The following SERGEF variants were observed in gnomAD, a reference collection of about 807,000 sequenced individuals.
SERGEF encodes the protein secretion regulating guanine nucleotide exchange factor, also known as secretion-regulating guanine nucleotide exchange factor.
In SERGEF, 51 loss-of-function variants were observed where a neutral mutation model predicts 50.0. The ratio of observed to expected loss-of-function variants is 1.02; its 90% CI spans 0.81 to 1.29. The LOEUF (loss-of-function observed/expected upper bound fraction) is 1.29. SERGEF is among the 50% of genes most tolerant of loss of function. SERGEF has a pLI of 0.00. For synonymous variants in SERGEF, 205 were observed against 212.4 expected (o/e 0.97, Z 0.30); for missense variants, 521 against 557.0 (o/e 0.94, Z 0.65).
chr11:17,886,959 T>A (rs1214493409), intron 9 of SERGEF, among the ~76,000 whole-genome samples: 1 of 152,144 alleles, frequency 6.6e-6, no homozygotes, highest in African/African-American at 2.4e-5. Context: ...TGAAACGGCT[T>A]AGTGAAAATT....
intron 10 of SERGEF, among the ~76,000 whole-genome samples, chr11:17,822,762 G>A (rs544860059): frequency 1.2e-4 from 18 of 152,264 alleles, no homozygotes; most frequent in African/African-American, 4.3e-4. Flanking sequence ...TCGAAGAACC[G>A]AGCCTAGAGG....
chr11:17,926,645 T>A (rs1852255635), intron 9 of SERGEF: 1 of 418,188 alleles, frequency 2.4e-6, no homozygotes, highest in Non-Finnish European at 4.8e-6. Flanking sequence ...CCCTCCTTTA[T>A]GCCAGAGGTT....
rs149362797 is a variant in SERGEF, at chr11:17,902,385, C to T, written c.1012-24141G>A. On this transcript the variant is annotated intron_variant, in intron 9 of 10. Transcript: ENST00000265965. Reference sequence around the variant, plus strand: ...GTCCAGGAAAGAGGGCGCAGACACCCGGCTATGGCTGGTGGAAGCCACAAG... The same window carrying T: ...GTCCAGGAAAGAGGGCGCAGACACCTGGCTATGGCTGGTGGAAGCCACAAG... Among the ~76,000 whole-genome samples, 434 of 152,244 alleles carry T rather than the reference C, an allele frequency of 2.9e-3. 4 individuals are homozygous for T. The highest frequency in any genetic ancestry group is 0.02 in the Middle Eastern group (6 of 294).
chr11:17,915,167 T>A (rs1852026043), intron 9 of SERGEF, among the ~76,000 whole-genome samples: 1 of 152,194 alleles, frequency 6.6e-6, no homozygotes, highest in Non-Finnish European at 1.5e-5. Context: ...AATGAATGAA[T>A]GAGTAAATGG....
intron 10 of SERGEF, chr11:17,866,714 T>C (rs1166147544): frequency 1.3e-5 from 2 of 152,206 alleles, no homozygotes; most frequent in Admixed American, 6.5e-5. Context: ...ACCATTTTAT[T>C]AGTCTGTTTT....
intron 9 of SERGEF, among the ~76,000 whole-genome samples, chr11:17,958,682 C>T (rs1852927129): frequency 6.6e-6 from 1 of 152,164 alleles, no homozygotes; most frequent in Non-Finnish European, 1.5e-5. Flanking sequence ...ATACCCAATG[C>T]TCCAGCCAAA....
intron 9 of SERGEF, chr11:17,939,633 A>G (rs1852524484): frequency 6.6e-6 from 1 of 152,362 alleles, no homozygotes; most frequent in Non-Finnish European, 1.5e-5. Flanking sequence ...AGGTATGCCT[A>G]GGCATCACAG....
intron 5 of SERGEF, among the ~76,000 whole-genome samples, chr11:17,997,313 G>C (rs1452013174): frequency 6.6e-6 from 1 of 152,148 alleles, no homozygotes; most frequent in Non-Finnish European, 1.5e-5. Context: ...CTAACCATCA[G>C]GGAAATGAAA....
intron 8 of SERGEF, among the ~76,000 whole-genome samples, chr11:17,975,747 C>T (rs562939466): frequency 6.6e-6 from 1 of 152,168 alleles, no homozygotes; most frequent in East Asian, 1.9e-4. Context: ...TCACAGAAAC[C>T]TCCAGCTGCT....
At chr11:17,972,390 A>G (rs1008940897) in intron 8 of SERGEF, among the ~76,000 whole-genome samples, 4 of 152,184 alleles carry the variant, frequency 2.6e-5, no homozygotes, top group African/African-American at 9.6e-5. Context: ...CAGCAACCAC[A>G]TCCCTGATCA....
chr11:17,887,276 A>G (rs986520278), intron 9 of SERGEF, among the ~76,000 whole-genome samples: 9 of 152,220 alleles, frequency 5.9e-5, no homozygotes, highest in African/African-American at 2.2e-4. Context: ...ATGCTAAAGT[A>G]CAATACAGTC....
intron 9 of SERGEF, among the ~76,000 whole-genome samples, chr11:17,892,133 T>C (rs1411680593): frequency 1.3e-5 from 2 of 152,126 alleles, no homozygotes; most frequent in Non-Finnish European, 2.9e-5. Context: ...TAGAAGATAG[T>C]AAAACATAAG....
intron 9 of SERGEF, among the ~76,000 whole-genome samples, chr11:17,947,950 CTTTTTTTT>C (rs397848456): frequency 6.7e-5 from 9 of 133,564 alleles, no homozygotes; most frequent in Non-Finnish European, 1.5e-4. Flanking sequence ...CTAATCCATT[CTTTTTTTT>C]TTTTTTTTTT....
At chr11:17,826,035 T>C (rs1389824478) in intron 10 of SERGEF, among the ~76,000 whole-genome samples, 1 of 152,178 alleles carries the variant, frequency 6.6e-6, no homozygotes, top group Non-Finnish European at 1.5e-5. Context: ...GAAAATGGTG[T>C]CTACCTATCA....
intron 9 of SERGEF, among the ~76,000 whole-genome samples, chr11:17,896,189 T>A (rs1851618079): frequency 6.6e-6 from 1 of 152,090 alleles, no homozygotes; most frequent in Non-Finnish European, 1.5e-5. Context: ...ATGAACCACA[T>A]TCAGAAGAAA....
At chr11:17,943,819 T>C (rs931133895) in intron 9 of SERGEF, among the ~76,000 whole-genome samples, 6 of 152,230 alleles carry the variant, frequency 3.9e-5, no homozygotes, top group African/African-American at 9.6e-5. Context: ...TAGATAAAAG[T>C]TGAAAGAACC....
At chr11:18,004,668 C>CT in intron 3 of SERGEF, 133 bp from the exon 4 acceptor site, 1 of 645,530 alleles carries the variant, frequency 1.5e-6, no homozygotes, top group East Asian at 2.8e-5. Context: ...ATATTCCCTG[C>CT]TTTTATTCCT....
chr11:17,819,772 A>G (rs1198511139), intron 10 of SERGEF, among the ~76,000 whole-genome samples: 1 of 152,218 alleles, frequency 6.6e-6, no homozygotes, highest in African/African-American at 2.4e-5. Context: ...GGAGCCCCTC[A>G]CACATCAAAG....
intron 8 of SERGEF, among the ~76,000 whole-genome samples, chr11:17,967,269 G>C (rs1853143530): frequency 6.6e-6 from 1 of 152,172 alleles, no homozygotes; most frequent in African/African-American, 2.4e-5. Flanking sequence ...TCATTGTCCT[G>C]CAGGGGATGC....
Sources: allele counts gnomAD v4.1 joint callset (sites outside exome capture counted in the v4.1 genomes callset), GRCh38; gene constraint gnomAD v4.1.1; transcripts MANE v1.5; gene names NCBI Gene and HGNC (gene_info 2026-07-23, HGNC 2026-07-21).